Variants in CYP19A1 observed in about 807,000 individuals in gnomAD.
CYP19A1 encodes the protein aromatase.
Under a neutral mutation model 44.4 loss-of-function variants are expected in CYP19A1, and 32 were observed. The ratio of observed to expected loss-of-function variants is 0.72; its 90% CI spans 0.54 to 0.97. The LOEUF (loss-of-function observed/expected upper bound fraction) is 0.97. Among genes scored for constraint, CYP19A1 ranks in the 50% least tolerant of loss-of-function variants. CYP19A1 has a pLI of 0.00. For synonymous variants in CYP19A1, 212 were observed against 215.6 expected, an observed-to-expected ratio of 0.98 and a Z score of 0.14; for missense variants, 598 against 637.8, an observed-to-expected ratio of 0.94 and a Z score of 0.67.
chr15:51,243,073 A>G (rs1175234735), intron 1 of CYP19A1, 123 bp from the exon 2 acceptor site: 3 of 711,478 alleles, frequency 4.2e-6, no homozygotes, highest in African/African-American at 3.5e-5. Flanking sequence ...GTGATCAGAC[A>G]TTTAGGCAAG....
chr15:51,274,657 C>T (rs1011501620), intron 1 of CYP19A1, among the ~76,000 whole-genome samples: 6 of 152,146 alleles, frequency 3.9e-5, no homozygotes, highest in Non-Finnish European at 7.3e-5. Context: ...GCTTTAGGCA[C>T]GATGCTCCAG....
intron 2 of CYP19A1, among the ~76,000 whole-genome samples, chr15:51,239,959 G>C (rs2033648388): frequency 6.6e-6 from 1 of 152,156 alleles, no homozygotes; most frequent in Admixed American, 6.5e-5. Context: ...ATACGTCCTG[G>C]GGGAAGGGAG....
intron 1 of CYP19A1, among the ~76,000 whole-genome samples, chr15:51,251,308 C>T (rs1383025035): frequency 6.6e-6 from 1 of 152,168 alleles, no homozygotes; most frequent in Admixed American, 6.5e-5. Flanking sequence ...CAGAGAGGCC[C>T]CCTGAACCTC....
intron 1 of CYP19A1, among the ~76,000 whole-genome samples, chr15:51,286,895 AT>A (rs1387873901): frequency 6.6e-6 from 1 of 152,232 alleles, no homozygotes; most frequent in Non-Finnish European, 1.5e-5. Flanking sequence ...GCCACAGCAG[AT>A]TCAGAATATA....
At chr15:51,235,808 T>C (rs1435724040) in intron 3 of CYP19A1, among the ~76,000 whole-genome samples, 1 of 152,234 alleles carries the variant, frequency 6.6e-6, no homozygotes, top group Non-Finnish European at 1.5e-5. Flanking sequence ...GAATGAATAA[T>C]TCTAACAAAT....
At chr15:51,240,519 C>G (rs1159966847) in intron 2 of CYP19A1, among the ~76,000 whole-genome samples, 2 of 152,160 alleles carry the variant, frequency 1.3e-5, no homozygotes, top group African/African-American at 4.8e-5. Context: ...ACCTCTAAAA[C>G]CAAGAACCTA....
intron 1 of CYP19A1, among the ~76,000 whole-genome samples, chr15:51,262,355 C>A (rs1246980887): frequency 6.6e-6 from 1 of 152,192 alleles, no homozygotes; most frequent in Non-Finnish European, 1.5e-5. Context: ...TGATTTCCCA[C>A]TCCACATGCT....
At chr15:51,277,676 C>T (rs2035362314) in intron 1 of CYP19A1, among the ~76,000 whole-genome samples, 1 of 152,146 alleles carries the variant, frequency 6.6e-6, no homozygotes, top group Non-Finnish European at 1.5e-5. Flanking sequence ...CTGTATACTC[C>T]TATTTTTGCC....
At chr15:51,255,907 C>T (rs1566897947) in intron 1 of CYP19A1, 1 of 152,250 alleles carries the variant, frequency 6.6e-6, no homozygotes, top group Non-Finnish European at 1.5e-5. Flanking sequence ...CATTTTCTCA[C>T]ACTGTGGGAA....
chr15:51,227,468 C>G (rs1335358739), intron 4 of CYP19A1, among the ~76,000 whole-genome samples: 3 of 151,832 alleles, frequency 2.0e-5, no homozygotes, highest in African/African-American at 7.3e-5. Flanking sequence ...TGAGTTTGAG[C>G]CCAGCCTGGT....
intron 1 of CYP19A1, among the ~76,000 whole-genome samples, chr15:51,311,561 A>C (rs186518002): frequency 6.6e-6 from 1 of 152,366 alleles, no homozygotes; most frequent in African/African-American, 2.4e-5. Flanking sequence ...AAAATATTTG[A>C]AAAAACAATG....
In CYP19A1 at chr15:51,212,524, T is replaced by C. The variant is rs1257014150; in HGVS notation, c.1059A>G (p.Leu353=). 2 of 1,517,764 alleles carry C rather than the reference T, an allele frequency of 1.3e-6. No individual in the cohort carries two copies. The highest frequency in any genetic ancestry group is 4.5e-5 in the East Asian group (2 of 44,424). The allele number at this position is 1,517,764 out of a possible 1,614,324, so 94.0% of individuals were successfully genotyped here. A position where few individuals can be genotyped will look rare whatever the true frequency, so the allele number is the denominator to read the frequency against. The change falls in exon 9 of 10, where the codon TTA becomes TTG. Residue 353 remains leucine (L), a synonymous_variant. Coordinates refer to ENST00000396402, the MANE Select transcript of CYP19A1 (RefSeq NM_000103.4). ...RDIKIDDIQK[L]KVMENFIYES... ...CATAAATGAAGTTTTCCATCACTTT[T>C]AATTTTTGTATATCATCAATCTTTA...
chr15:51,261,643 A>G (rs1471955441), intron 1 of CYP19A1, among the ~76,000 whole-genome samples: 1 of 152,212 alleles, frequency 6.6e-6, no homozygotes, highest in Non-Finnish European at 1.5e-5. Flanking sequence ...TGTTGCATAC[A>G]ACTGGAAATA....
intron 1 of CYP19A1, among the ~76,000 whole-genome samples, chr15:51,259,128 A>T (rs2034623074): frequency 6.6e-6 from 1 of 152,210 alleles, no homozygotes; most frequent in Non-Finnish European, 1.5e-5. Context: ...ACGTCATTAC[A>T]GGAGACAACA....
intron 1 of CYP19A1, among the ~76,000 whole-genome samples, chr15:51,329,201 G>A (rs1490451756): frequency 6.6e-6 from 1 of 152,002 alleles, no homozygotes; most frequent in Non-Finnish European, 1.5e-5. Flanking sequence ...CTCCCTTCTC[G>A]TCACTGACTC....
intron 9 of CYP19A1, chr15:51,211,639 T>C (rs1399196987): frequency 2.3e-6 from 1 of 434,590 alleles, no homozygotes; most frequent in Non-Finnish European, 4.6e-6. Flanking sequence ...AGAAACAAAA[T>C]GAATTAGAGT....
intron 8 of CYP19A1, among the ~76,000 whole-genome samples, chr15:51,213,773 GC>G (rs2031273740): frequency 6.6e-6 from 1 of 152,128 alleles, no homozygotes. Flanking sequence ...TTCTCTGAAT[GC>G]CCTCCTTCGG....
chr15:51,218,935 C>T (rs1308940345), intron 5 of CYP19A1, among the ~76,000 whole-genome samples: 1 of 152,218 alleles, frequency 6.6e-6, no homozygotes, highest in South Asian at 2.1e-4. Flanking sequence ...CCTAGAATTT[C>T]ACATATTCTC....
chr15:51,277,962 T>TTTTTA (rs2035380245), intron 1 of CYP19A1: 1 of 148,976 alleles, frequency 6.7e-6, no homozygotes, highest in African/African-American at 2.5e-5. Flanking sequence ...GAGTTTTTTT[T>TTTTTA]TTTTTTTTTT....
Sources: gnomAD v4.1 joint callset for allele counts (sites outside exome capture counted in the v4.1 genomes callset) on GRCh38, gnomAD v4.1.1 for gene constraint, MANE v1.5 for transcripts, NCBI Gene and HGNC (gene_info 2026-07-23, HGNC 2026-07-21) for gene names.